The following ZNF713 variants were observed in gnomAD, a reference collection of about 807,000 sequenced individuals.
ZNF713 encodes zinc finger protein 713.
ZNF713 carries 21 observed loss-of-function variants against 28.7 expected under a neutral mutation model. That is an observed-to-expected ratio of 0.73 (90% CI 0.52 to 1.05). ZNF713 has a LOEUF of 1.05. Among genes scored for constraint, ZNF713 ranks in the 50% least tolerant of loss-of-function variants. The pLI is 0.00. For missense variants in ZNF713, 458 were observed against 532.4 expected, an observed-to-expected ratio of 0.86 and a Z score of 1.37; for synonymous variants, 167 against 178.0, an observed-to-expected ratio of 0.94 and a Z score of 0.49.
Position 55,928,863 on chromosome 7 carries a change from G to C in ZNF713, c.307+5164G>C, listed in dbSNP as rs567848059. 3.3e-5 allele frequency among the ~76,000 whole-genome samples: 5 copies of C among 152,072 alleles called. No homozygotes were observed. In the East Asian group the frequency reaches 9.7e-4, roughly 29 times the overall value. ...AAAGTGCCTGCAGGCCGGGTGCCAG[G>C]GCTCACACCTGTAATCCCAGCACTG... On this transcript the variant is annotated intron_variant, in intron 6 of 6. Transcript: ENST00000429591.
intron 6 of ZNF713, among the ~76,000 whole-genome samples, chr7:55,928,172 G>A (rs527599942): frequency 2.6e-5 from 4 of 152,242 alleles, no homozygotes; most frequent in African/African-American, 9.6e-5. Flanking sequence ...GACCAAAGAC[G>A]AGCAGAGGCA....
intron 5 of ZNF713, 53 bp downstream of exon 5, chr7:55,923,341 T>G: frequency 3.2e-6 from 5 of 1,566,622 alleles, no homozygotes; most frequent in Non-Finnish European, 4.3e-6. Context: ...GTTTATTTCC[T>G]GAACTAGTAG....
At chr7:55,888,653 T>C (rs1785322163) in intron 1 of ZNF713, among the ~76,000 whole-genome samples, 1 of 152,132 alleles carries the variant, frequency 6.6e-6, no homozygotes, top group African/African-American at 2.4e-5. Context: ...GTGCTGGGAT[T>C]ACAGGCATGA....
intron 4 of ZNF713, among the ~76,000 whole-genome samples, chr7:55,916,951 A>T (rs951336994): frequency 6.6e-6 from 1 of 152,212 alleles, no homozygotes; most frequent in African/African-American, 2.4e-5. Context: ...GCAGTGGCTC[A>T]CACCTGTAAT....
At chr7:55,893,795 G>C (rs1411912056) in intron 1 of ZNF713, among the ~76,000 whole-genome samples, 1 of 152,020 alleles carries the variant, frequency 6.6e-6, no homozygotes, top group African/African-American at 2.4e-5. Flanking sequence ...GGCCAGGCTG[G>C]TCTCAAACTC....
At chr7:55,932,400 C>T (rs1472134923) in intron 6 of ZNF713, among the ~76,000 whole-genome samples, 1 of 151,476 alleles carries the variant, frequency 6.6e-6, no homozygotes, top group African/African-American at 2.4e-5. Flanking sequence ...TGGCACGTGC[C>T]TGTGGTCCCA....
chr7:55,912,013 A>G lies in ZNF713; in HGVS notation c.-58A>G, dbSNP rs1028651879. 6.6e-6 allele frequency: 1 copy of G among 152,278 alleles called. No homozygotes were observed. Among genetic ancestry groups the G allele is most frequent in the Non-Finnish European group, 1.5e-5 (1 of 68,088 alleles). 9.4% of individuals were successfully genotyped at this position (152,278 alleles called of 1,614,324 possible). ...GCTTTGGCGACATTACAACATAAGA[A>G]CTGCAGAGAGGTGTAATCCCAGTGG... On this transcript the variant is annotated 5_prime_UTR_variant, in exon 3 of 7. Coordinates refer to ENST00000429591, the MANE Select transcript of ZNF713 (RefSeq NM_182633.3).
At chr7:55,897,365 G>C (rs1473126415) in intron 1 of ZNF713, among the ~76,000 whole-genome samples, 3 of 151,308 alleles carry the variant, frequency 2.0e-5, no homozygotes, top group Admixed American at 1.3e-4. Flanking sequence ...CTGCAGCCTC[G>C]ACCTTCCAGG....
chr7:55,924,224 A>G (rs1443049999), intron 6 of ZNF713: 2 of 152,498 alleles, frequency 1.3e-5, no homozygotes, highest in African/African-American at 2.4e-5. Flanking sequence ...CTCCTTTGTG[A>G]TATGTCCCCA....
intron 4 of ZNF713, among the ~76,000 whole-genome samples, chr7:55,921,617 A>T (rs1469355842): frequency 2.0e-5 from 3 of 152,208 alleles, no homozygotes; most frequent in African/African-American, 7.2e-5. Flanking sequence ...ATAGCAAGAG[A>T]ACTAGAATTA....
rs891412282 is a variant in ZNF713, at chr7:55,940,171, G to A, written c.*165G>A. Reference sequence around the variant, plus strand: ...TGAGTCTCACTCTGTCACCCAGGCTGAAGTGCAGTGGTACAATCTTGGCTC... The same window carrying A: ...TGAGTCTCACTCTGTCACCCAGGCTAAAGTGCAGTGGTACAATCTTGGCTC... On this transcript the variant is annotated 3_prime_UTR_variant, in exon 7 of 7. Coordinates refer to ENST00000429591, the MANE Select transcript of ZNF713 (RefSeq NM_182633.3). 1 of 1,234,184 alleles carries A rather than the reference G, an allele frequency of 8.1e-7. No individual in the cohort carries two copies. Among genetic ancestry groups the A allele is most frequent in the Non-Finnish European group, 1.1e-6 (1 of 933,314 alleles). The allele number at this position is 1,234,184 out of a possible 1,614,324, so 76.5% of individuals were successfully genotyped here.
chr7:55,916,403 A>G (rs1434012897), intron 4 of ZNF713, among the ~76,000 whole-genome samples: 1 of 152,198 alleles, frequency 6.6e-6, no homozygotes, highest in Non-Finnish European at 1.5e-5. Flanking sequence ...TGACCACGCT[A>G]TTTAAATTTG....
intron 1 of ZNF713, among the ~76,000 whole-genome samples, chr7:55,900,440 C>G (rs545715612): frequency 7.9e-5 from 12 of 151,714 alleles, no homozygotes; most frequent in African/African-American, 2.9e-4. Context: ...TGCACTCCAG[C>G]CTGGGCAACA....
chr7:55,937,317 AAAATTAAAATT>A (rs1191629349), intron 6 of ZNF713, among the ~76,000 whole-genome samples: 2 of 151,930 alleles, frequency 1.3e-5, no homozygotes, highest in African/African-American at 4.8e-5. Flanking sequence ...AATTAAAATT[AAAATTAAAATT>A]AAAAAAAACT....
chr7:55,908,557 A>G (rs78666620), intron 2 of ZNF713, among the ~76,000 whole-genome samples: 21,654 of 149,990 alleles, frequency 0.14, 1,727 homozygotes, highest in Non-Finnish European at 0.18. Flanking sequence ...GCATTGTTTC[A>G]TATGTTCGTT....
intron 2 of ZNF713, among the ~76,000 whole-genome samples, chr7:55,909,438 T>C (rs1394210340): frequency 6.6e-6 from 1 of 152,208 alleles, no homozygotes; most frequent in African/African-American, 2.4e-5. Context: ...TTGTTTCCTG[T>C]AGCCTTTTAG....
chr7:55,894,510 A>G (rs1028042606), intron 1 of ZNF713, among the ~76,000 whole-genome samples: 4 of 152,238 alleles, frequency 2.6e-5, no homozygotes, highest in Non-Finnish European at 5.9e-5. Context: ...CAATGATTAA[A>G]TATGTTTATG....
At chr7:55,933,095 G>C (rs1178408103) in intron 6 of ZNF713, among the ~76,000 whole-genome samples, 1 of 150,840 alleles carries the variant, frequency 6.6e-6, no homozygotes, top group Non-Finnish European at 1.5e-5. Flanking sequence ...AAATTAGCTG[G>C]GCGTGGTGGC....
chr7:55,917,193 G>A (rs1171701916), intron 4 of ZNF713, among the ~76,000 whole-genome samples: 4 of 150,460 alleles, frequency 2.7e-5, no homozygotes, highest in African/African-American at 4.9e-5. Flanking sequence ...CAGCCTGGGC[G>A]ACAGAGCAAG....
Sources: gnomAD v4.1 joint callset for allele counts (sites outside exome capture counted in the v4.1 genomes callset) on GRCh38, gnomAD v4.1.1 for gene constraint, MANE v1.5 for transcripts, NCBI Gene and HGNC (gene_info 2026-07-23, HGNC 2026-07-21) for gene names.